MADD: variants seen among roughly 807,000 people sequenced by gnomAD.
MADD encodes MAP kinase-activating death domain protein.
Under a neutral mutation model 176.7 loss-of-function variants are expected in MADD, and 109 were observed. The ratio of observed to expected loss-of-function variants is 0.62; its 90% CI spans 0.53 to 0.72. The LOEUF (loss-of-function observed/expected upper bound fraction) is 0.72, where lower values mean the gene tolerates loss of function less well. MADD is among the 30% of genes least tolerant of loss of function. The probability of loss-of-function intolerance (pLI) is 0.00; values close to 1 mark genes in which losing one functional copy is unlikely to be tolerated. For synonymous variants in MADD, 771 were observed against 771.3 expected (o/e 1.00, Z 0.01); for missense variants, 1,914 against 2,045.5 (o/e 0.94, Z 1.24).
chr11:47,315,128 G>C, intron 26 of MADD, 92 bp from the exon 30 acceptor site: 1 of 731,586 alleles, frequency 1.4e-6, no homozygotes, highest in Non-Finnish European at 2.5e-6. Context: ...TGAGGAAGCC[G>C]ATATGAATTT....
chr11:47,329,114 A>G (rs1458776547), exon 33 of MADD: 2 of 1,614,038 alleles, frequency 1.2e-6, no homozygotes, highest in South Asian at 1.1e-5. Flanking sequence ...GCAGTGAGGA[A>G]GATCTCAGAA....
intron 22 of MADD, among the ~76,000 whole-genome samples, chr11:47,307,879 A>G (rs2084330611): frequency 1.3e-5 from 2 of 152,224 alleles, no homozygotes. Context: ...CATGTTAGCC[A>G]GGATGGTCTC....
At chr11:47,315,416 A>G in intron 27 of MADD, 89 bp downstream of exon 30, 1 of 690,170 alleles carries the variant, frequency 1.4e-6, no homozygotes, top group South Asian at 1.7e-5. Flanking sequence ...TTTCTCATTT[A>G]TCTCATTCAT....
chr11:47,320,194 C>A, intron 27 of MADD, among the ~76,000 whole-genome samples: 1 of 150,884 alleles, frequency 6.6e-6, no homozygotes. Context: ...TGGTGGCTCA[C>A]GCCTGTAATC....
At chr11:47,271,568 A>G (rs1449367546) in intron 1 of MADD, among the ~76,000 whole-genome samples, 3 of 152,170 alleles carry the variant, frequency 2.0e-5, no homozygotes, top group African/African-American at 7.2e-5. Flanking sequence ...CGTACTCAGT[A>G]GGAGGTGCTT....
In MADD at chr11:47,285,133, G is replaced by A. The variant is rs200406190; in HGVS notation, c.2350G>A (p.Asp784Asn). Residue 784 changes from aspartate to asparagine, a missense_variant, in exon 13 of 33, where the codon GAT becomes AAT. Physicochemically the swap from Asp to Asn is conservative, Grantham distance 23. Transcript: ENST00000402192. ...CCAATATGGCTTTCCCCCTGAGGAAGATGAGGATGAGCAGGGGGAAAGTTA... is the reference window on the plus strand; with the variant it reads ...CCAATATGGCTTTCCCCCTGAGGAAAATGAGGATGAGCAGGGGGAAAGTTA... 4.1e-5 allele frequency: 66 copies of A among 1,614,160 alleles called. No homozygotes were observed. In the East Asian group the frequency reaches 1.3e-3, roughly 32 times the overall value.
chr11:47,318,041 A>ATTACAGGTGTGAGCCATCACGCC (rs2093572861), intron 27 of MADD, among the ~76,000 whole-genome samples: 1 of 152,192 alleles, frequency 6.6e-6, no homozygotes, highest in African/African-American at 2.4e-5. Context: ...AAGTGCTGGG[A>ATTACAGGTGTGAGCCATCACGCC]TTACAGGTGT....
intron 22 of MADD, among the ~76,000 whole-genome samples, chr11:47,297,158 A>G (rs940817952): frequency 6.6e-6 from 1 of 152,218 alleles, no homozygotes; most frequent in Non-Finnish European, 1.5e-5. Context: ...TGTTCTCTAC[A>G]AGAGCTTATA....
intron 6 of MADD, 31 bp downstream of exon 6, chr11:47,278,309 C>A: frequency 6.7e-7 from 1 of 1,500,412 alleles, no homozygotes; most frequent in South Asian, 1.1e-5. Context: ...ATTGTAGAGT[C>A]TAGAGGAGGA....
intron 1 of MADD, chr11:47,272,476 G>GGT (rs376777228): frequency 3.3e-5 from 5 of 152,152 alleles, no homozygotes; most frequent in Non-Finnish European, 5.9e-5. Context: ...GGGAGTAGAG[G>GGT]GTGTGTGTGT....
chr11:47,292,468 G>A, intron 19 of MADD, 75 bp from the exon 21 acceptor site: 1 of 1,331,750 alleles, frequency 7.5e-7, no homozygotes, highest in Non-Finnish European at 1.1e-6. Flanking sequence ...TTGGGTGGGT[G>A]GGTTTCCATT....
At position 47,311,942 on chromosome 11, in the gene MADD, G is replaced by A. The variant is rs933908093; in HGVS notation, c.4089+100G>A. 1.9e-5 allele frequency: 13 copies of A among 683,290 alleles called. No homozygotes were observed. In the African/African-American group the frequency reaches 2.0e-4, roughly 10 times the overall value. The allele number at this position is 683,290 out of a possible 1,614,324, so 42.3% of individuals were successfully genotyped here. On this transcript the variant is annotated intron_variant, in intron 26 of 32. Transcript: ENST00000402192. ...CCCCGTTTTTGAAAATGGAGCAGTT[G>A]TCTTTGACTGTAAATGAGGCATTAG... is the stretch of plus-strand genomic sequence containing the variant.
chr11:47,274,050 A>T, intron 2 of MADD, 74 bp downstream of exon 2: 2 of 1,356,794 alleles, frequency 1.5e-6, no homozygotes, highest in Non-Finnish European at 2.1e-6. Flanking sequence ...CCCTTCTCCG[A>T]TTTCCATGTT....
rs1437067007 is a variant in MADD, at chr11:47,272,502, T to C, written c.-88-1325T>C. 2.0e-5 allele frequency among the ~76,000 whole-genome samples: 3 copies of C among 152,044 alleles called. No individual in the cohort carries two copies. In the East Asian group the frequency reaches 5.8e-4, roughly 29 times the overall value. ...GTGTGTGTGTGTATACGATAATGGG[T>C]TTCTCTCCGTGTGCATTGAACAAGG... On this transcript the variant is annotated intron_variant, in intron 1 of 32. Coordinates refer to ENST00000402192, the Ensembl canonical transcript of MADD.
At chr11:47,292,639 C>G in intron 19 of MADD, 43 bp downstream of exon 21, 7 of 1,596,904 alleles carry the variant, frequency 4.4e-6, no homozygotes, top group Non-Finnish European at 6.0e-6. Flanking sequence ...TCCTCCATAC[C>G]TGCCAACTCC....
chr11:47,286,657 C>A, intron 15 of MADD, 123 bp downstream of exon 15: 1 of 688,860 alleles, frequency 1.5e-6, no homozygotes. Flanking sequence ...TCATGTTGCT[C>A]CTCATGGCTT....
chr11:47,271,319 G>A (rs1434605412), intron 1 of MADD, among the ~76,000 whole-genome samples: 1 of 152,092 alleles, frequency 6.6e-6, no homozygotes, highest in Non-Finnish European at 1.5e-5. Context: ...AGGGGAGAGA[G>A]GAGAGAATGA....
At chr11:47,323,924 C>A in intron 28 of MADD, 89 bp downstream of exon 31, 1 of 1,414,328 alleles carries the variant, frequency 7.1e-7, no homozygotes, top group Non-Finnish European at 9.8e-7. Context: ...TTCCAAAACA[C>A]ACATCTGGAG....
intron 22 of MADD, among the ~76,000 whole-genome samples, chr11:47,300,087 A>T (rs941989989): frequency 6.6e-6 from 1 of 152,156 alleles, no homozygotes; most frequent in African/African-American, 2.4e-5. Context: ...AGCTTTTATC[A>T]TGAAGGAATG....
Sources: allele counts gnomAD v4.1 joint callset (sites outside exome capture counted in the v4.1 genomes callset), GRCh38; gene constraint gnomAD v4.1.1; transcripts MANE v1.5; gene names NCBI Gene and HGNC (gene_info 2026-07-23, HGNC 2026-07-21).